The following DPH3 variants were observed in gnomAD, a reference collection of about 807,000 sequenced individuals.
The protein encoded by DPH3 is diphthamide biosynthesis protein 3.
Under a neutral mutation model 10.2 loss-of-function variants are expected in DPH3, and 8 were observed. That is an observed-to-expected ratio of 0.79 (90% CI 0.46 to 1.42). DPH3 has a LOEUF of 1.42. Among genes scored for constraint, DPH3 ranks in the 40% most tolerant of loss-of-function variants. The pLI, the probability that DPH3 is intolerant of heterozygous loss-of-function variation, is 0.00. For missense variants in DPH3, 96 were observed against 98.9 expected (o/e 0.97, Z 0.12); for synonymous variants, 35 against 35.6 (o/e 0.98, Z 0.06).
chr3:16,264,293 C>T, intron 1 of DPH3, 64 bp from the exon 2 acceptor site: 1 of 1,330,982 alleles, frequency 7.5e-7, no homozygotes, highest in Middle Eastern at 1.9e-4. Context: ...TCCCCCAAAC[C>T]TATCCCACCC....
rs1487785066 is a variant in DPH3 at position 16,264,610 on chromosome 3, C to T, written c.108+159G>A. On this transcript the variant is annotated intron_variant, in intron 1 of 2. Coordinates refer to ENST00000488423, the MANE Select transcript of DPH3 (RefSeq NM_206831.3). ...GCGTGCCTACCGAGAGAGCTCAGGGCATTAGTTGGGGTGGGGGGACGCGGG... is the reference window on the plus strand; with the variant it reads ...GCGTGCCTACCGAGAGAGCTCAGGGTATTAGTTGGGGTGGGGGGACGCGGG... 1.4e-5 allele frequency: 10 copies of T among 708,604 alleles called. No individual in the cohort carries two copies. The East Asian group carries it at 1.6e-4, about 12-fold the overall frequency. The allele number at this position is 708,604 out of a possible 1,614,324, so 43.9% of individuals were successfully genotyped here.
Position 16,259,047 on chromosome 3 carries a change from C to G in DPH3, c.*1717G>C, listed in dbSNP as rs2064273591. On this transcript the variant is annotated 3_prime_UTR_variant, in exon 3 of 3. Coordinates refer to ENST00000488423, the MANE Select transcript of DPH3 (RefSeq NM_206831.3). ...GTGTCTGTTCGTGTTTGAAACTCAT[C>G]AGCATCAGAAAGAGCTAACATGTTG... 1 of 152,210 alleles carries G rather than the reference C, an allele frequency of 6.6e-6. No individual in the cohort carries two copies. The highest frequency in any genetic ancestry group is 2.4e-5 in the African/African-American group (1 of 41,448). The allele number at this position is 152,210 out of a possible 1,614,324, so 9.4% of individuals were successfully genotyped here.
rs1267462592 is a variant in DPH3, at chr3:16,258,836, G to A, written c.*1928C>T. The A allele has an allele frequency of 6.6e-6, 1 of 152,168 alleles. No individual in the cohort carries two copies. The highest frequency in any genetic ancestry group is 6.5e-5 in the Admixed American group (1 of 15,278). 9.4% of individuals were successfully genotyped at this position (152,168 alleles called of 1,614,324 possible). ...CAAACTTAGTGACTCAATTGCTTTA[G>A]AAACAAAGCAATAAATGATTTGATT... On this transcript the variant is annotated 3_prime_UTR_variant, in exon 3 of 3. Transcript: ENST00000488423.
chr3:16,264,017 T>A (rs2064339939), intron 2 of DPH3, 138 bp downstream of exon 2: 1 of 456,460 alleles, frequency 2.2e-6, no homozygotes, highest in African/African-American at 2.0e-5. Flanking sequence ...TCAATGGTGT[T>A]TAAAACCTGC....
chr3:16,260,735 G>A lies in DPH3; in HGVS notation c.*29C>T, dbSNP rs2064286932. On this transcript the variant is annotated 3_prime_UTR_variant, in exon 3 of 3. Transcript: ENST00000488423. ...ATTTCTATCTGGGCTCATTCCAAAT[G>A]TTCAGGATTTGGATTCCTGAAGGCT... The A allele has an allele frequency of 6.3e-7, 1 of 1,586,956 alleles. No homozygotes were observed. Among genetic ancestry groups the A allele is most frequent in the Non-Finnish European group, 8.6e-7 (1 of 1,156,478 alleles).
In DPH3 at chr3:16,260,714, C is replaced by G. The variant is rs974833943; in HGVS notation, c.*50G>C. On this transcript the variant is annotated 3_prime_UTR_variant, in exon 3 of 3. Transcript: ENST00000488423. ...GCCAGTAGCTTTGCATTCGATATTT[C>G]TATCTGGGCTCATTCCAAATGTTCA... 1.0e-5 allele frequency: 16 copies of G among 1,529,144 alleles called. No homozygotes were observed. The highest frequency in any genetic ancestry group is 1.3e-5 in the Non-Finnish European group (14 of 1,106,904). 94.7% of individuals were successfully genotyped at this position (1,529,144 alleles called of 1,614,324 possible).
chr3:16,261,376 C>T lies in DPH3; in HGVS notation c.184-547G>A, dbSNP rs2064292084. On this transcript the variant is annotated intron_variant, in intron 2 of 2. Transcript: ENST00000488423. The surrounding 1 kb of genome is among the most constrained non-coding windows in gnomAD (Gnocchi z 7.1). ...TTCCAAGGTTATCCCTCACCTCCAG[C>T]AATCTGATTCCCGAAGGATCAGCCC... Among the ~76,000 whole-genome samples, 1 of 152,224 alleles carries T rather than the reference C, an allele frequency of 6.6e-6. No homozygotes were observed. Among genetic ancestry groups the T allele is most frequent in the Non-Finnish European group, 1.5e-5 (1 of 68,038 alleles).
intron 1 of DPH3, 183 bp from the exon 2 acceptor site, chr3:16,264,412 G>A: frequency 1.8e-6 from 1 of 542,312 alleles, no homozygotes; most frequent in South Asian, 2.7e-5. Context: ...GTCACTTAGG[G>A]GAAACACCTA....
chr3:16,260,904 G>T, intron 2 of DPH3, 75 bp from the exon 3 acceptor site: 1 of 1,323,006 alleles, frequency 7.6e-7, no homozygotes, highest in Non-Finnish European at 1.1e-6. Context: ...CCTTCATTTT[G>T]TTACAGCATC....
rs1343915700 is a variant in DPH3 at position 16,261,527 on chromosome 3, TC to T, written c.184-699del. On this transcript the variant is annotated intron_variant, in intron 2 of 2. Coordinates refer to ENST00000488423, the MANE Select transcript of DPH3 (RefSeq NM_206831.3). The surrounding 1 kb of genome is among the most constrained non-coding windows in gnomAD (Gnocchi z 7.1). ...ACCTCTTTCTCAAAATGTCCTTTTA[TC>T]CCCAAGAGCACTGGTAATATCTGGA... is the stretch of plus-strand genomic sequence containing the variant. Among the ~76,000 whole-genome samples the T allele has an allele frequency of 6.6e-6, 1 of 152,184 alleles. No homozygotes were observed. Among genetic ancestry groups the T allele is most frequent in the Non-Finnish European group, 1.5e-5 (1 of 68,032 alleles).
In DPH3 at chr3:16,263,330, T is replaced by A. The variant is rs1371467570; in HGVS notation, c.183+825A>T. 6.6e-6 allele frequency among the ~76,000 whole-genome samples: 1 copy of A among 152,132 alleles called. No homozygotes were observed. Among genetic ancestry groups the A allele is most frequent in the East Asian group, 1.9e-4 (1 of 5,200 alleles). Reference sequence around the variant, plus strand: ...GGCTCACTCCCTCACCTCCTTCAAATCTTTACCTATTAAGGCCTTTCTCAG... The same window carrying A: ...GGCTCACTCCCTCACCTCCTTCAAAACTTTACCTATTAAGGCCTTTCTCAG... On this transcript the variant is annotated intron_variant, in intron 2 of 2. Coordinates refer to ENST00000488423, the MANE Select transcript of DPH3 (RefSeq NM_206831.3). This position sits in a 1 kb window ranked among gnomAD's most constrained non-coding sequence, Gnocchi z 4.0.
At position 16,260,109 on chromosome 3, in the gene DPH3, C is replaced by T. The variant is rs1033501678; in HGVS notation, c.*655G>A. On this transcript the variant is annotated 3_prime_UTR_variant, in exon 3 of 3. Transcript: ENST00000488423. ...CATTCTTTCATCACTTCATTTTGGA[C>T]TTTCTTTCTTGTTCACTAACTTTTA... 6.6e-6 allele frequency: 1 copy of T among 152,170 alleles called. No homozygotes were observed. The highest frequency in any genetic ancestry group is 1.5e-5 in the Non-Finnish European group (1 of 68,024). The allele number at this position is 152,170 out of a possible 1,614,324, so 9.4% of individuals were successfully genotyped here.
chr3:16,264,458 C>G, intron 1 of DPH3: 1 of 552,444 alleles, frequency 1.8e-6, no homozygotes, highest in Non-Finnish European at 3.2e-6. Flanking sequence ...CCCAAAAGCC[C>G]TGGGAAACAA....
chr3:16,264,474 G>A (rs1397299481), intron 1 of DPH3: 1 of 553,542 alleles, frequency 1.8e-6, no homozygotes, highest in Non-Finnish European at 3.2e-6. Flanking sequence ...AACAAAAAAC[G>A]AGTCCCCTCC....
rs1409636831 is a variant in DPH3 at position 16,257,672 on chromosome 3, ACCACT to A, written c.*3087_*3091del. 1.3e-5 allele frequency among the ~76,000 whole-genome samples: 2 copies of A among 152,232 alleles called. No individual in the cohort carries two copies. Among genetic ancestry groups the A allele is most frequent in the Non-Finnish European group, 2.9e-5 (2 of 68,038 alleles). On this transcript the variant is annotated 3_prime_UTR_variant, in exon 3 of 3. Transcript: ENST00000488423. ...CTTCTGACCAGAGCTGGGCTCTGAA[ACCACT>A]CCAAGAATTGATCATCAGCCTTAAA...
In DPH3 at chr3:16,262,797, T is replaced by C. The variant is rs1003971568; in HGVS notation, c.183+1358A>G. 2.6e-5 allele frequency among the ~76,000 whole-genome samples: 4 copies of C among 152,202 alleles called. No homozygotes were observed. Among genetic ancestry groups the C allele is most frequent in the Admixed American group, 6.5e-5 (1 of 15,284 alleles). On this transcript the variant is annotated intron_variant, in intron 2 of 2. Transcript: ENST00000488423. This position sits in a 1 kb window ranked among gnomAD's most constrained non-coding sequence, Gnocchi z 4.7. ...ATAGTTACATTCCCTCAATTGACAGTAACTCCATCCTCCCAGTTATTAAGG... is the reference window on the plus strand; with the variant it reads ...ATAGTTACATTCCCTCAATTGACAGCAACTCCATCCTCCCAGTTATTAAGG...
rs1176731392 is a variant in DPH3 at position 16,260,648 on chromosome 3, CTCT to C, written c.*113_*115del. 8 of 870,680 alleles carry C rather than the reference CTCT, an allele frequency of 9.2e-6. No homozygotes were observed. The highest frequency in any genetic ancestry group is 1.4e-5 in the Non-Finnish European group (8 of 552,654). The allele number at this position is 870,680 out of a possible 1,614,324, so 53.9% of individuals were successfully genotyped here. A position where few individuals can be genotyped will look rare whatever the true frequency, so the allele number is the denominator to read the frequency against. On this transcript the variant is annotated 3_prime_UTR_variant, in exon 3 of 3. Coordinates refer to ENST00000488423, the MANE Select transcript of DPH3 (RefSeq NM_206831.3). ...CAGCAGTTGATAGAAAGAATCCACA[CTCT>C]TACAGAACAGCAAATCATAAATGGT...
Position 16,257,842 on chromosome 3 carries a change from T to C in DPH3, c.*2922A>G, listed in dbSNP as rs1460682160. On this transcript the variant is annotated 3_prime_UTR_variant, in exon 3 of 3. Coordinates refer to ENST00000488423, the MANE Select transcript of DPH3 (RefSeq NM_206831.3). The stretch of plus-strand genomic sequence containing the variant: ...AAACTGTAGAAATTGGCAATTTCCT[T>C]ATTTAAAAACTACTGTCCATAACAA... 1.3e-5 allele frequency: 2 copies of C among 152,242 alleles called. No individual in the cohort carries two copies. Among genetic ancestry groups the C allele is most frequent in the Non-Finnish European group, 2.9e-5 (2 of 68,034 alleles). 9.4% of individuals were successfully genotyped at this position (152,242 alleles called of 1,614,324 possible).
chr3:16,259,055 GAAAGAGCTAA>G lies in DPH3; in HGVS notation c.*1699_*1708del, dbSNP rs1437897297. The G allele has an allele frequency of 2.6e-5, 4 of 152,184 alleles. No individual in the cohort carries two copies. Among genetic ancestry groups the G allele is most frequent in the African/African-American group, 4.8e-5 (2 of 41,430 alleles). 9.4% of individuals were successfully genotyped at this position (152,184 alleles called of 1,614,324 possible). A position where few individuals can be genotyped will look rare whatever the true frequency, so the allele number is the denominator to read the frequency against. On this transcript the variant is annotated 3_prime_UTR_variant, in exon 3 of 3. Coordinates refer to ENST00000488423, the MANE Select transcript of DPH3 (RefSeq NM_206831.3). ...TCGTGTTTGAAACTCATCAGCATCA[GAAAGAGCTAA>G]CATGTTGGCAGTATCTAGAAAACCA... is the stretch of plus-strand genomic sequence containing the variant.
Sources: gnomAD v4.1 joint callset for allele counts (sites outside exome capture counted in the v4.1 genomes callset) on GRCh38, gnomAD v4.1.1 for gene constraint, Gnocchi (gnomAD v3.1) non-coding constraint, MANE v1.5 for transcripts, NCBI Gene and HGNC (gene_info 2026-07-23, HGNC 2026-07-21) for gene names.